NSG2: variants seen among roughly 807,000 people sequenced by gnomAD.
NSG2 encodes neuronal vesicle trafficking-associated protein 2.
A neutral mutation model predicts 16.9 loss-of-function variants in NSG2; 4 were observed. That is an observed-to-expected ratio of 0.24 (90% CI 0.12 to 0.54). The LOEUF is 0.54. NSG2 is among the 20% of genes least tolerant of loss of function. NSG2 has a pLI of 0.95. For missense variants in NSG2, 179 were observed against 221.1 expected (o/e 0.81, Z 1.21); for synonymous variants, 98 against 88.7 (o/e 1.11, Z -0.59).
At chr5:174,068,622 TC>T (rs554343912) in intron 3 of NSG2, among the ~76,000 whole-genome samples, 116 of 150,860 alleles carry the variant, frequency 7.7e-4, no homozygotes, top group African/African-American at 2.7e-3. Flanking sequence ...GTCACGGTGA[TC>T]CTGGTGCTAT....
intron 4 of NSG2, among the ~76,000 whole-genome samples, chr5:174,106,283 C>A (rs10050477): frequency 0.34 from 51,241 of 152,022 alleles, 11,793 homozygotes; most frequent in African/African-American, 0.66. Flanking sequence ...AAAATAAATA[C>A]ATGAGAAAAA....
intron 2 of NSG2, among the ~76,000 whole-genome samples, chr5:174,058,158 T>C (rs888249500): frequency 4.6e-5 from 7 of 152,176 alleles, no homozygotes; most frequent in Non-Finnish European, 8.8e-5. Flanking sequence ...CATGAAGATG[T>C]TGAGAGTGAG....
At chr5:174,078,897 C>T (rs1270769576) in intron 3 of NSG2, among the ~76,000 whole-genome samples, 1 of 152,082 alleles carries the variant, frequency 6.6e-6, no homozygotes, top group Admixed American at 6.5e-5. Flanking sequence ...TCTAAGCTAT[C>T]CAGTCTATGG....
At position 174,107,050 on chromosome 5, in the gene NSG2, A is replaced by G. The variant is rs966961800; in HGVS notation, c.325-264A>G. 3.3e-5 allele frequency among the ~76,000 whole-genome samples: 5 copies of G among 152,162 alleles called. No homozygotes were observed. The highest frequency in any genetic ancestry group is 1.2e-4 in the African/African-American group (5 of 41,450). On this transcript the variant is annotated intron_variant, in intron 4 of 4. Coordinates refer to ENST00000303177, the MANE Select transcript of NSG2 (RefSeq NM_015980.5). The surrounding 1 kb of genome is among the most constrained non-coding windows in gnomAD (Gnocchi z 4.5). ...TCTCTACAGCATCCACTACAGCCGG[A>G]CAGTCAGTATGCAGAGAAGGCTGGC... is the stretch of plus-strand genomic sequence containing the variant.
chr5:174,108,407 A>G lies in NSG2; in HGVS notation c.*902A>G, dbSNP rs930663641. On this transcript the variant is annotated 3_prime_UTR_variant, in exon 5 of 5. Coordinates refer to ENST00000303177, the MANE Select transcript of NSG2 (RefSeq NM_015980.5). ...TGACACTAGGCCACAAGCGATAAGC[A>G]CAGGCACCTGACTTTTAAGTTTTTG... 6.5e-6 allele frequency: 1 copy of G among 152,856 alleles called. No homozygotes were observed. Among genetic ancestry groups the G allele is most frequent in the African/African-American group, 2.4e-5 (1 of 41,454 alleles). 9.5% of individuals were successfully genotyped at this position (152,856 alleles called of 1,614,324 possible). A position where few individuals can be genotyped will look rare whatever the true frequency, so the allele number is the denominator to read the frequency against.
At chr5:174,098,738 G>A (rs774148789) in intron 3 of NSG2, among the ~76,000 whole-genome samples, 4 of 152,144 alleles carry the variant, frequency 2.6e-5, no homozygotes, top group Non-Finnish European at 5.9e-5. Context: ...CACAGCATCC[G>A]GCTCACAGTA....
chr5:174,046,985 T>A, intron 2 of NSG2, 101 bp downstream of exon 2: 1 of 1,190,964 alleles, frequency 8.4e-7, no homozygotes, highest in Non-Finnish European at 1.2e-6. Context: ...CATTCTCTTA[T>A]CTGCCAAATG....
At chr5:174,082,531 T>C (rs1410133600) in intron 3 of NSG2, 4 of 152,222 alleles carry the variant, frequency 2.6e-5, no homozygotes, top group Admixed American at 2.6e-4. Flanking sequence ...CTGTTGCAGG[T>C]CTGCAGAGTA....
chr5:174,098,434 G>A (rs1274892893), intron 3 of NSG2, among the ~76,000 whole-genome samples: 2 of 126,148 alleles, frequency 1.6e-5, no homozygotes, highest in Admixed American at 7.1e-5. Context: ...TCACCTCAGC[G>A]TTCTCTCCTT....
At chr5:174,064,664 T>C (rs547183166) in intron 3 of NSG2, among the ~76,000 whole-genome samples, 6 of 152,164 alleles carry the variant, frequency 3.9e-5, no homozygotes, top group South Asian at 4.2e-4. Context: ...CACATTTTAG[T>C]CCTTCGTTGC....
At chr5:174,095,861 A>G (rs762055820) in intron 3 of NSG2, among the ~76,000 whole-genome samples, 4 of 152,204 alleles carry the variant, frequency 2.6e-5, no homozygotes, top group Non-Finnish European at 5.9e-5. Context: ...TTTATGCCCA[A>G]TGTGTGCAGT....
At chr5:174,071,618 C>T (rs1327753332) in intron 3 of NSG2, among the ~76,000 whole-genome samples, 3 of 152,214 alleles carry the variant, frequency 2.0e-5, no homozygotes, top group East Asian at 1.9e-4. Context: ...CTGTTTCATC[C>T]GCTCACCGAT....
In NSG2 at chr5:174,109,170, G is replaced by A. The variant is rs1403224103; in HGVS notation, c.*1665G>A. 1 of 152,818 alleles carries A rather than the reference G, an allele frequency of 6.5e-6. No individual in the cohort carries two copies. Among genetic ancestry groups the A allele is most frequent in the Non-Finnish European group, 1.5e-5 (1 of 68,050 alleles). The allele number at this position is 152,818 out of a possible 1,614,324, so 9.5% of individuals were successfully genotyped here. ...TGACAGGAAACAAATAAAGATAGATGTGTCTGAGAGTCTTGACCTTCCTTT... is the reference window on the plus strand; with the variant it reads ...TGACAGGAAACAAATAAAGATAGATATGTCTGAGAGTCTTGACCTTCCTTT... On this transcript the variant is annotated 3_prime_UTR_variant, in exon 5 of 5. Coordinates refer to ENST00000303177, the MANE Select transcript of NSG2 (RefSeq NM_015980.5).
intron 3 of NSG2, among the ~76,000 whole-genome samples, chr5:174,087,326 G>A (rs183100974): frequency 6.6e-6 from 1 of 152,208 alleles, no homozygotes; most frequent in Admixed American, 6.5e-5. Context: ...GGTGCACATG[G>A]CCTTTATGGT....
intron 2 of NSG2, among the ~76,000 whole-genome samples, chr5:174,057,959 C>T (rs938323929): frequency 6.6e-5 from 10 of 152,086 alleles, no homozygotes; most frequent in African/African-American, 2.2e-4. Flanking sequence ...GGGTAGAGGC[C>T]GTGCAACTGG....
Position 174,109,068 on chromosome 5 carries a change from T to C in NSG2, c.*1563T>C, listed in dbSNP as rs1761028692. ...TGTCCCTAGCAAAACCGCTGAGCGCTTTATAATTTTGTGGTGTATTTTTGT... is the reference window on the plus strand; with the variant it reads ...TGTCCCTAGCAAAACCGCTGAGCGCCTTATAATTTTGTGGTGTATTTTTGT... On this transcript the variant is annotated 3_prime_UTR_variant, in exon 5 of 5. Coordinates refer to ENST00000303177, the MANE Select transcript of NSG2 (RefSeq NM_015980.5). 6.5e-6 allele frequency: 1 copy of C among 152,802 alleles called. No individual in the cohort carries two copies. The highest frequency in any genetic ancestry group is 1.5e-5 in the Non-Finnish European group (1 of 68,058). The allele number at this position is 152,802 out of a possible 1,614,324, so 9.5% of individuals were successfully genotyped here. A position where few individuals can be genotyped will look rare whatever the true frequency, so the allele number is the denominator to read the frequency against.
rs545532559 is a variant in NSG2, at chr5:174,085,586, G to A, written c.214-18642G>A. Among the ~76,000 whole-genome samples, 3 of 152,316 alleles carry A rather than the reference G, an allele frequency of 2.0e-5. No homozygotes were observed. The East Asian group carries it at 5.8e-4, about 29-fold the overall frequency. ...CTCCAAGCCCATTTGCCTGCATTTT[G>A]GGACAAATTTGTAGCTACAATCATT... On this transcript the variant is annotated intron_variant, in intron 3 of 4. Coordinates refer to ENST00000303177, the MANE Select transcript of NSG2 (RefSeq NM_015980.5).
chr5:174,046,893 T>A lies in NSG2; in HGVS notation c.129+9T>A. 6.2e-7 allele frequency: 1 copy of A among 1,613,890 alleles called. No homozygotes were observed. The highest frequency in any genetic ancestry group is 8.5e-7 in the Non-Finnish European group (1 of 1,179,880). On this transcript the variant is annotated intron_variant, in intron 2 of 4. Transcript: ENST00000303177. ...TGCCTGCTCCAGAAAAGGTAAAGCA[T>A]GTCCTCTTGCTCTCATCAGCCCCCA...
chr5:174,064,184 A>G (rs752562558), intron 2 of NSG2, 48 bp from the exon 3 acceptor site: 1 of 1,316,704 alleles, frequency 7.6e-7, no homozygotes, highest in Non-Finnish European at 1.0e-6. Context: ...AAGAAAGGAA[A>G]ATGTTTCAAG....
Sources: allele counts gnomAD v4.1 joint callset (sites outside exome capture counted in the v4.1 genomes callset), GRCh38; gene constraint gnomAD v4.1.1; non-coding constraint Gnocchi (gnomAD v3.1); transcripts MANE v1.5; gene names NCBI Gene and HGNC (gene_info 2026-07-23, HGNC 2026-07-21).